CRYBG3: variants seen among roughly 807,000 people sequenced by gnomAD.
CRYBG3 encodes very large A-kinase anchor protein.
CRYBG3 carries 127 observed loss-of-function variants against 244.2 expected under a neutral mutation model. The observed-to-expected ratio is 0.52, with a 90% CI of 0.45 to 0.60. CRYBG3 has a LOEUF of 0.60. Among genes scored for constraint, CRYBG3 ranks in the 20% least tolerant of loss-of-function variants. CRYBG3 has a pLI of 0.00. For missense variants in CRYBG3, 3,325 were observed against 3,442.5 expected (o/e 0.97, Z 0.85); for synonymous variants, 1,132 against 1,195.8 (o/e 0.95, Z 1.10).
At chr3:97,858,837 A>G (rs900819253) in intron 2 of CRYBG3, among the ~76,000 whole-genome samples, 8 of 152,026 alleles carry the variant, frequency 5.3e-5, no homozygotes, top group Non-Finnish European at 1.2e-4. Context: ...GTTGTCTGTT[A>G]CTGGAGAATT....
intron 3 of CRYBG3, among the ~76,000 whole-genome samples, chr3:97,870,445 A>G (rs556152368): frequency 6.6e-6 from 1 of 152,226 alleles, no homozygotes; most frequent in South Asian, 2.1e-4. Flanking sequence ...CACTGCATTC[A>G]TGTTGTTGCA....
At chr3:97,867,583 G>A (rs987079893) in intron 3 of CRYBG3, among the ~76,000 whole-genome samples, 1 of 152,080 alleles carries the variant, frequency 6.6e-6, no homozygotes, top group Non-Finnish European at 1.5e-5. Flanking sequence ...GCTAAAATCT[G>A]TAAAACCTTT....
chr3:97,877,291 A>G lies in CRYBG3; in HGVS notation c.6097A>G (p.Ser2033Gly), dbSNP rs2108219864. ...SVLFHDTSAD[S>G]MPVLACERSE... ...CTTGTTTCATGATACGTCCGCTGAC[A>G]GCATGCCTGTTCTGGCATGTGAAAG... Residue 2033 changes from serine (S) to glycine (G), a missense_variant, in exon 4 of 22, where the codon AGC becomes GGC. By Grantham distance (56) the Ser-to-Gly change is moderately conservative. This residue lies in a region of CRYBG3 where 450 missense variants were observed against 424.1 expected (regional missense o/e 1.06). Transcript: ENST00000389622. 1.2e-6 allele frequency: 2 copies of G among 1,614,128 alleles called. No individual in the cohort carries two copies. The highest frequency in any genetic ancestry group is 1.7e-6 in the Non-Finnish European group (2 of 1,180,012).
intron 2 of CRYBG3, among the ~76,000 whole-genome samples, chr3:97,859,352 A>C (rs1018117680): frequency 6.6e-6 from 1 of 152,262 alleles, no homozygotes; most frequent in South Asian, 2.1e-4. Context: ...CATTGTCTAC[A>C]TGTTGATCTT....
chr3:97,892,117 A>C (rs1419576608), intron 10 of CRYBG3, among the ~76,000 whole-genome samples: 1 of 152,156 alleles, frequency 6.6e-6, no homozygotes, highest in African/African-American at 2.4e-5. Context: ...TTCTTTGAAG[A>C]AATGCTTCAG....
At chr3:97,941,093 G>T (rs1375311261) in intron 19 of CRYBG3, 55 bp from the exon 20 acceptor site, 11 of 1,455,436 alleles carry the variant, frequency 7.6e-6, no homozygotes, top group Non-Finnish European at 1.0e-5. Flanking sequence ...CCTCTGGAAG[G>T]ATTCATTTCC....
intron 2 of CRYBG3, among the ~76,000 whole-genome samples, chr3:97,861,473 G>T (rs577271908): frequency 6.6e-6 from 1 of 152,130 alleles, no homozygotes; most frequent in South Asian, 2.1e-4. Flanking sequence ...ATTTTGTTGC[G>T]TTGGGCCCCA....
intron 1 of CRYBG3, among the ~76,000 whole-genome samples, chr3:97,841,934 G>A (rs569514124): frequency 1.4e-4 from 21 of 152,146 alleles, no homozygotes; most frequent in Non-Finnish European, 2.6e-4. Flanking sequence ...GAAAATGCCC[G>A]ATTCTCTATT....
chr3:97,907,279 T>C (rs1048586922), intron 15 of CRYBG3, among the ~76,000 whole-genome samples: 1 of 152,356 alleles, frequency 6.6e-6, no homozygotes, highest in Admixed American at 6.5e-5. Flanking sequence ...TTAGGGAGGA[T>C]TCCCTCTTTT....
intron 2 of CRYBG3, among the ~76,000 whole-genome samples, chr3:97,862,343 T>A (rs997099080): frequency 3.9e-5 from 6 of 152,146 alleles, no homozygotes; most frequent in African/African-American, 1.2e-4. Flanking sequence ...AAGACTCTTT[T>A]GCAAATTTTT....
chr3:97,900,414 G>T, intron 14 of CRYBG3, 39 bp from the exon 15 acceptor site: 1 of 1,264,106 alleles, frequency 7.9e-7, no homozygotes, highest in Non-Finnish European at 1.1e-6. Flanking sequence ...GACAGATTAT[G>T]TGATTACAAT....
intron 3 of CRYBG3, among the ~76,000 whole-genome samples, chr3:97,870,005 G>C (rs2039282483): frequency 6.6e-6 from 1 of 151,990 alleles, no homozygotes; most frequent in African/African-American, 2.4e-5. Flanking sequence ...TTAGGTATTG[G>C]AATACTGATA....
chr3:97,839,509 A>G (rs1003310203), intron 1 of CRYBG3, among the ~76,000 whole-genome samples: 2 of 152,172 alleles, frequency 1.3e-5, no homozygotes, highest in Non-Finnish European at 2.9e-5. Context: ...GTTGTAGGAT[A>G]GGAATGGCTG....
chr3:97,876,240 T>TG lies in CRYBG3; in HGVS notation c.5049dup (p.Thr1684AspfsTer16), dbSNP rs2039370501. 8.1e-7 allele frequency: 1 copy of TG among 1,231,864 alleles called. No individual in the cohort carries two copies. Among genetic ancestry groups the TG allele is most frequent in the East Asian group, 3.2e-5 (1 of 31,692 alleles). The allele number at this position is 1,231,864 out of a possible 1,614,324, so 76.3% of individuals were successfully genotyped here. On this transcript the variant is annotated frameshift_variant, in exon 4 of 22. Coordinates refer to ENST00000389622, the MANE Select transcript of CRYBG3 (RefSeq NM_153605.4). LOFTEE classifies it high-confidence loss of function. Reference sequence around the variant, plus strand: ...ATGCTGAAGGGGATATTGGCAAGACTGGGACGATAGCCTTGTCAGAAGTGG... The same window carrying TG: ...ATGCTGAAGGGGATATTGGCAAGACTGGGGACGATAGCCTTGTCAGAAGTGG...
chr3:97,885,700 G>A (rs1052749668), intron 7 of CRYBG3, among the ~76,000 whole-genome samples: 4 of 152,160 alleles, frequency 2.6e-5, no homozygotes, highest in Non-Finnish European at 5.9e-5. Context: ...GAGTGGAAGT[G>A]GAGATAGCAT....
chr3:97,922,037 G>C (rs777852771), intron 17 of CRYBG3, among the ~76,000 whole-genome samples: 1 of 152,206 alleles, frequency 6.6e-6, no homozygotes, highest in African/African-American at 2.4e-5. Flanking sequence ...AATGATCTTA[G>C]GAAGTAGAAT....
At chr3:97,910,061 G>T (rs1158238450) in intron 15 of CRYBG3, among the ~76,000 whole-genome samples, 1 of 151,758 alleles carries the variant, frequency 6.6e-6, no homozygotes, top group Non-Finnish European at 1.5e-5. Flanking sequence ...AGGCTGCTCA[G>T]GGGTCAGGGG....
rs2039378051 is a variant in CRYBG3 at position 97,876,778 on chromosome 3, G to A, written c.5584G>A (p.Val1862Met). ...DRGENIGKHK[V>M]LPAVVDIEKI... is the part of the protein sequence containing the mutation. ...TGGTGAGAATATTGGGAAACACAAA[G>A]TGTTACCCGCAGTGGTAGACATTGA... The change falls in exon 4 of 22, where the codon GTG becomes ATG. Residue 1862 changes from valine (V) to methionine (M), a missense_variant. Val to Met is a conservative substitution (Grantham distance 21, BLOSUM62 1). Transcript: ENST00000389622. The A allele has an allele frequency of 7.9e-7, 1 of 1,272,576 alleles. No homozygotes were observed. The highest frequency in any genetic ancestry group is 3.8e-5 in the Admixed American group (1 of 26,650). 78.8% of individuals were successfully genotyped at this position (1,272,576 alleles called of 1,614,324 possible).
chr3:97,938,795 T>TA (rs1251230047), intron 19 of CRYBG3, among the ~76,000 whole-genome samples: 7 of 151,922 alleles, frequency 4.6e-5, no homozygotes, highest in Admixed American at 1.3e-4. Context: ...TTTGAAAATT[T>TA]TTTATTATTA....
Sources: gnomAD v4.1 joint callset for allele counts (sites outside exome capture counted in the v4.1 genomes callset) on GRCh38, gnomAD v4.1.1 for gene constraint, gnomAD v4.1.1 regional missense constraint, MANE v1.5 for transcripts, NCBI Gene and HGNC (gene_info 2026-07-23, HGNC 2026-07-21) for gene names.